The following SIGLEC1 variants were observed in gnomAD, a reference collection of about 807,000 sequenced individuals.
The protein encoded by SIGLEC1 is sialic acid binding Ig like lectin 1.
Under a neutral mutation model 148.0 loss-of-function variants are expected in SIGLEC1, and 132 were observed. The ratio of observed to expected loss-of-function variants is 0.89; its 90% CI spans 0.77 to 1.03. The LOEUF (loss-of-function observed/expected upper bound fraction) is 1.03, where lower values mean the gene tolerates loss of function less well. Ranked by LOEUF, SIGLEC1 falls within the 50% of genes least tolerant of loss-of-function variation. The probability of loss-of-function intolerance (pLI) is 0.00; values close to 1 mark genes in which losing one functional copy is unlikely to be tolerated. For missense variants in SIGLEC1, 2,253 were observed against 2,271.4 expected (o/e 0.99, Z 0.16); for synonymous variants, 945 against 969.0 (o/e 0.98, Z 0.46).
chr20:3,697,795 C>T lies in SIGLEC1; in HGVS notation c.2122+3G>A. The T allele has an allele frequency of 6.2e-7, 1 of 1,612,302 alleles. No homozygotes were observed. Among genetic ancestry groups the T allele is most frequent in the East Asian group, 2.2e-5 (1 of 44,884 alleles). Reference sequence around the variant, plus strand: ...CAGGCCACCCATTCCCTGCCTGACTCACCCTGGCCATTGAAGGTGGCTGAG... The same window carrying T: ...CAGGCCACCCATTCCCTGCCTGACTTACCCTGGCCATTGAAGGTGGCTGAG... On this transcript the variant is annotated splice_donor_region_variant and intron_variant, in intron 9 of 21. Coordinates refer to ENST00000344754, the MANE Select transcript of SIGLEC1 (RefSeq NM_023068.4).
chr20:3,691,815 A>C (rs1411730367), intron 17 of SIGLEC1, 88 bp downstream of exon 17: 4 of 1,455,206 alleles, frequency 2.7e-6, no homozygotes, highest in African/African-American at 1.4e-5. Context: ...CAGACCAGAC[A>C]GCCCGCTCTA....
chr20:3,699,517 TA>T (rs1889261061), intron 7 of SIGLEC1, 58 bp from the exon 8 acceptor site: 1 of 1,554,756 alleles, frequency 6.4e-7, no homozygotes, highest in African/African-American at 1.4e-5. Flanking sequence ...CATGCTGCCC[TA>T]TATAGAAAGC....
At position 3,706,322 on chromosome 20, in the gene SIGLEC1, G is replaced by A. The variant is rs778661935; in HGVS notation, c.409+25C>T. The A allele has an allele frequency of 3.1e-6, 5 of 1,587,766 alleles. No homozygotes were observed. The East Asian group carries it at 9.0e-5, about 29-fold the overall frequency. ...GCAGCTTGGGAATCCCTCCCGGGGG[G>A]CAGCCAGGCCACCCCACTTATCACC... On this transcript the variant is annotated intron_variant, in intron 3 of 21. Coordinates refer to ENST00000344754, the MANE Select transcript of SIGLEC1 (RefSeq NM_023068.4).
chr20:3,695,819 AT>A (rs10555867), intron 11 of SIGLEC1, among the ~76,000 whole-genome samples: 20,320 of 149,674 alleles, frequency 0.14, 1,576 homozygotes, highest in African/African-American at 0.22. Context: ...TTTAGGGAGA[AT>A]TTTTTTTTTT....
chr20:3,690,078 G>A lies in SIGLEC1; in HGVS notation c.4778C>T (p.Pro1593Leu), dbSNP rs1248664972. The change falls in exon 19 of 22, where the codon CCC (proline) becomes CTC (leucine). Residue 1593 changes from proline (P) to leucine (L), a missense_variant. Transcript: ENST00000344754. ...AEPHIHVLAS[P>L]NALRVDIEAL... ...CTCGATGTCCACCCTCAGGGCATTG[G>A]GGGAAGCCAGGACATGGATGTGTGG... 5.0e-6 allele frequency: 8 copies of A among 1,611,724 alleles called. No individual in the cohort carries two copies. In the African/African-American group the frequency reaches 1.1e-4, roughly 22 times the overall value.
At chr20:3,696,210 G>T (rs1245903886) in intron 11 of SIGLEC1, among the ~76,000 whole-genome samples, 1 of 150,140 alleles carries the variant, frequency 6.7e-6, no homozygotes, top group African/African-American at 2.5e-5. Flanking sequence ...TTATGCATAA[G>T]AATACACATA....
At chr20:3,711,703 T>C (rs2087929827) in intron 1 of SIGLEC1, among the ~76,000 whole-genome samples, 1 of 152,186 alleles carries the variant, frequency 6.6e-6, no homozygotes, top group Admixed American at 6.5e-5. Context: ...AGCCATAGAA[T>C]CCATAACTAA....
intron 7 of SIGLEC1, among the ~76,000 whole-genome samples, chr20:3,701,103 T>C (rs1438873832): frequency 6.6e-6 from 1 of 152,236 alleles, no homozygotes; most frequent in African/African-American, 2.4e-5. Flanking sequence ...TGAGGGACTC[T>C]CCAAGTTTAG....
intron 18 of SIGLEC1, among the ~76,000 whole-genome samples, chr20:3,691,010 T>C (rs1364282475): frequency 1.3e-5 from 2 of 152,012 alleles, no homozygotes; most frequent in Non-Finnish European, 2.9e-5. Context: ...CTTGTATTTT[T>C]AGTAGAGACG....
At chr20:3,689,332 A>G (rs2088731424) in intron 20 of SIGLEC1, 105 bp from the exon 21 acceptor site, 1 of 1,001,678 alleles carries the variant, frequency 1.0e-6, no homozygotes, top group African/African-American at 1.6e-5. Context: ...AGAGCGTGGG[A>G]ACCTCATGGA....
intron 21 of SIGLEC1, 70 bp downstream of exon 21, chr20:3,689,085 G>A (rs2088727703): frequency 1.5e-6 from 2 of 1,318,800 alleles, no homozygotes; most frequent in Non-Finnish European, 2.2e-6. Flanking sequence ...AATGACAGCA[G>A]TCTCCAGATG....
In SIGLEC1 at chr20:3,710,110, C is replaced by T. The variant is rs764324646; in HGVS notation, c.-110+2360G>A. Among the ~76,000 whole-genome samples, 9 of 152,198 alleles carry T rather than the reference C, an allele frequency of 5.9e-5. No individual in the cohort carries two copies. The highest frequency in any genetic ancestry group is 1.3e-4 in the Non-Finnish European group (9 of 68,024). On this transcript the variant is annotated intron_variant, in intron 1 of 21. Coordinates refer to ENST00000344754, the MANE Select transcript of SIGLEC1 (RefSeq NM_023068.4). This position sits in a 1 kb window ranked among gnomAD's most constrained non-coding sequence, Gnocchi z 4.6. ...GCCAACTTTGCAATCCTCCCTGGTC[C>T]TAAATGCTGACTTGGCCAAGTGAAC...
At position 3,690,217 on chromosome 20, in the gene SIGLEC1, C is replaced by T; in HGVS notation, c.4639G>A (p.Gly1547Ser). 1 of 1,554,888 alleles carries T rather than the reference C, an allele frequency of 6.4e-7. No individual in the cohort carries two copies. Among genetic ancestry groups the T allele is most frequent in the Non-Finnish European group, 8.7e-7 (1 of 1,149,664 alleles). Residue 1547 changes from glycine to serine, a missense_variant, in exon 19 of 22, where the codon GGC becomes AGC. Gly to Ser is a moderately conservative substitution (Grantham distance 56). Transcript: ENST00000344754. Reference protein sequence around the residue: ...TMMVFVEPEGGLRGILDCRVD... With the variant: ...TMMVFVEPEGSLRGILDCRVD... ...CGGCAATCCAGGATGCCCCGGAGGC[C>T]ACCCTCAGGCTCCACGAAGACCATC... is the stretch of plus-strand genomic sequence containing the variant.
rs781653133 is a variant in SIGLEC1 at position 3,693,684 on chromosome 20, C to T, written c.3271G>A (p.Val1091Met). The T allele has an allele frequency of 1.3e-6, 2 of 1,587,640 alleles. No individual in the cohort carries two copies. Among genetic ancestry groups the T allele is most frequent in the Non-Finnish European group, 1.7e-6 (2 of 1,165,484 alleles). The change falls in exon 14 of 22, where the codon GTG becomes ATG. Residue 1091 changes from valine to methionine, a missense_variant. By Grantham distance (21) the Val-to-Met change is conservative. Transcript: ENST00000344754. Reference protein sequence around the residue: ...DFDAQAVNVQVWPGATVREGQ... With the variant: ...DFDAQAVNVQMWPGATVREGQ... Reference sequence around the variant, plus strand: ...TCCCGCACGGTAGCCCCGGGCCACACCTGCACATTCACAGCTGGGGAGAGG... The same window carrying T: ...TCCCGCACGGTAGCCCCGGGCCACATCTGCACATTCACAGCTGGGGAGAGG...
At position 3,707,063 on chromosome 20, in the gene SIGLEC1, A is replaced by G; in HGVS notation, c.49+17T>C. The stretch of plus-strand genomic sequence containing the variant: ...GGCTGGACCCTGGAAGACAGGCACT[A>G]GGCCCGCAAAGCTTACCTGCTGGGA... On this transcript the variant is annotated intron_variant, in intron 2 of 21. Transcript: ENST00000344754. 1.2e-6 allele frequency: 2 copies of G among 1,612,904 alleles called. No individual in the cohort carries two copies. The highest frequency in any genetic ancestry group is 2.2e-5 in the South Asian group (2 of 91,066).
In SIGLEC1 at chr20:3,710,841, G is replaced by A. The variant is rs1457749434; in HGVS notation, c.-110+1629C>T. Among the ~76,000 whole-genome samples the A allele has an allele frequency of 6.6e-6, 1 of 152,212 alleles. No individual in the cohort carries two copies. Among genetic ancestry groups the A allele is most frequent in the Non-Finnish European group, 1.5e-5 (1 of 68,040 alleles). The stretch of plus-strand genomic sequence containing the variant: ...GTAGAGGCCACCTATGCTTAGCCCG[G>A]CCCTAACCCCAAAGGGGTCAGCCCC... On this transcript the variant is annotated intron_variant, in intron 1 of 21. Transcript: ENST00000344754. The surrounding 1 kb of genome is among the most constrained non-coding windows in gnomAD (Gnocchi z 4.6).
In SIGLEC1 at chr20:3,688,285, G is replaced by GAGAA. The variant is rs2088718908; in HGVS notation, c.*274_*275insTTCT. 25 of 448,388 alleles carry GAGAA rather than the reference G, an allele frequency of 5.6e-5. No individual in the cohort carries two copies. The highest frequency in any genetic ancestry group is 3.8e-4 in the South Asian group (18 of 47,816). The allele number at this position is 448,388 out of a possible 1,614,324, so 27.8% of individuals were successfully genotyped here. A position where few individuals can be genotyped will look rare whatever the true frequency, so the allele number is the denominator to read the frequency against. On this transcript the variant is annotated 3_prime_UTR_variant, in exon 22 of 22. Transcript: ENST00000344754. The stretch of plus-strand genomic sequence containing the variant: ...AAAGGGCAGGGCTTCCTTTGAGGGA[G>GAGAA]AAATGGAGAGAAGGGAGGAGATCCA...
Position 3,696,673 on chromosome 20 carries a change from G to C in SIGLEC1, c.2596C>G (p.Leu866Val), listed in dbSNP as rs775586566. ...TAGCTGCCAGAGTCCCCAAGGCCCAGTTCTCGGACCTCTAACTTCAGGGAG... is the reference window on the plus strand; with the variant it reads ...TAGCTGCCAGAGTCCCCAAGGCCCACTTCTCGGACCTCTAACTTCAGGGAG... ...ANSLKLEVRELGLGDSGSYRC... is the reference protein window; with the variant it reads ...ANSLKLEVREVGLGDSGSYRC... The change falls in exon 11 of 22, where the codon CTG becomes GTG. Residue 866 changes from leucine to valine, a missense_variant. By Grantham distance (32) the Leu-to-Val change is conservative. Coordinates refer to ENST00000344754, the MANE Select transcript of SIGLEC1 (RefSeq NM_023068.4). 3 of 1,613,844 alleles carry C rather than the reference G, an allele frequency of 1.9e-6. No individual in the cohort carries two copies. The Admixed American group carries it at 5.0e-5, about 27-fold the overall frequency.
Position 3,688,566 on chromosome 20 carries a change from C to A in SIGLEC1, c.5124G>T (p.Leu1708=). Residue 1708 remains leucine, a synonymous_variant, in exon 22 of 22, where the codon CTG becomes CTT. Transcript: ENST00000344754. The stretch of plus-strand genomic sequence containing the variant: ...GGGCAGGCAACACCACTGGTCAGCC[C>A]AGGGGTGGGGCACAGGTTGAGGTCT... ...TCETSTCAPP[L]G is the part of the protein sequence containing the mutation. 6.3e-7 allele frequency: 1 copy of A among 1,599,650 alleles called. No individual in the cohort carries two copies. The highest frequency in any genetic ancestry group is 2.3e-5 in the East Asian group (1 of 44,420).
Sources: gnomAD v4.1 joint callset for allele counts (sites outside exome capture counted in the v4.1 genomes callset) on GRCh38, gnomAD v4.1.1 for gene constraint, Gnocchi (gnomAD v3.1) non-coding constraint, MANE v1.5 for transcripts, NCBI Gene and HGNC (gene_info 2026-07-23, HGNC 2026-07-21) for gene names.